The following DNER variants were observed in gnomAD, a reference collection of about 807,000 sequenced individuals.
The protein encoded by DNER is delta and Notch-like epidermal growth factor-related receptor.
In DNER, 33 loss-of-function variants were observed where a neutral mutation model predicts 78.2. That is an observed-to-expected ratio of 0.42 (90% CI 0.32 to 0.56). DNER has a LOEUF of 0.56. DNER is among the 20% of genes least tolerant of loss of function. The pLI is 0.11. For missense variants in DNER, 918 were observed against 975.3 expected (o/e 0.94, Z 0.78); for synonymous variants, 417 against 384.8 (o/e 1.08, Z -0.98).
intron 1 of DNER, among the ~76,000 whole-genome samples, chr2:229,616,603 G>A (rs1024841576): frequency 3.9e-5 from 6 of 152,144 alleles, no homozygotes; most frequent in South Asian, 4.1e-4. Context: ...AACACTAACT[G>A]GGGAATCAAG....
At chr2:229,700,284 A>ATGTGTGTGTGCATGTGTGTGTG (rs746705367) in intron 1 of DNER, among the ~76,000 whole-genome samples, 3 of 36,536 alleles carry the variant, frequency 8.2e-5, no homozygotes, top group African/African-American at 1.9e-4. Flanking sequence ...ATGTCAATAT[A>ATGTGTGTGTGCATGTGTGTGTG]TGTGTGTGTG....
At chr2:229,667,034 G>A (rs1365554037) in intron 1 of DNER, among the ~76,000 whole-genome samples, 3 of 152,232 alleles carry the variant, frequency 2.0e-5, no homozygotes, top group Non-Finnish European at 2.9e-5. Context: ...ACCTGGCATC[G>A]CTGGGGAGAA....
At position 229,615,945 on chromosome 2, in the gene DNER, G is replaced by A. The variant is rs71415721; in HGVS notation, c.277-24057C>T. Among the ~76,000 whole-genome samples, 404 of 152,272 alleles carry A rather than the reference G, an allele frequency of 2.7e-3. 2 individuals carry two copies. Among genetic ancestry groups the A allele is most frequent in the East Asian group, 5.0e-3 (26 of 5,182 alleles). On this transcript the variant is annotated intron_variant, in intron 1 of 12. Transcript: ENST00000341772. ...TAGGAATCTGAATGATAAGGCCAGC[G>A]TGGCATGGAATGCTTTATCAAAGTT...
At chr2:229,636,063 C>T (rs1300836079) in intron 1 of DNER, among the ~76,000 whole-genome samples, 1 of 152,056 alleles carries the variant, frequency 6.6e-6, no homozygotes, top group African/African-American at 2.4e-5. Context: ...GGATTTGAAC[C>T]CAGGCCATCT....
At chr2:229,646,314 T>C (rs375832278) in intron 1 of DNER, among the ~76,000 whole-genome samples, 2 of 152,190 alleles carry the variant, frequency 1.3e-5, no homozygotes, top group African/African-American at 2.4e-5. Context: ...TAATAAATAA[T>C]AAAATCGCCA....
intron 4 of DNER, among the ~76,000 whole-genome samples, chr2:229,573,063 T>A (rs1308201835): frequency 6.6e-6 from 1 of 152,206 alleles, no homozygotes; most frequent in African/African-American, 2.4e-5. Flanking sequence ...AATGAGCAGA[T>A]GACGTGATCC....
intron 1 of DNER, among the ~76,000 whole-genome samples, chr2:229,672,270 T>C (rs1412367512): frequency 6.6e-6 from 1 of 152,084 alleles, no homozygotes; most frequent in Non-Finnish European, 1.5e-5. Context: ...CCAACAGCTA[T>C]GGCCAAGACA....
At chr2:229,592,562 A>C (rs1697627465) in intron 1 of DNER, among the ~76,000 whole-genome samples, 1 of 152,174 alleles carries the variant, frequency 6.6e-6, no homozygotes, top group Non-Finnish European at 1.5e-5. Flanking sequence ...TTCCCTCGCC[A>C]GATATGGAAG....
intron 10 of DNER, among the ~76,000 whole-genome samples, chr2:229,390,316 A>G (rs919263159): frequency 1.3e-5 from 2 of 152,248 alleles, no homozygotes; most frequent in African/African-American, 2.4e-5. Flanking sequence ...CTGCTTCACG[A>G]AGTCCAATGT....
chr2:229,451,437 A>T (rs144957270), intron 7 of DNER, among the ~76,000 whole-genome samples: 2,192 of 152,346 alleles, frequency 0.014, 19 homozygotes, highest in Non-Finnish European at 0.02. Context: ...AGGCTGGGTG[A>T]CAGAGCAAGA....
intron 7 of DNER, among the ~76,000 whole-genome samples, chr2:229,466,440 T>C (rs76068631): frequency 0.043 from 6,611 of 152,230 alleles, 379 homozygotes; most frequent in East Asian, 0.27. Flanking sequence ...TGTTTGAACA[T>C]CACTTCCCTT....
intron 6 of DNER, among the ~76,000 whole-genome samples, chr2:229,496,535 T>C (rs1695506331): frequency 6.6e-6 from 1 of 152,166 alleles, no homozygotes; most frequent in South Asian, 2.1e-4. Context: ...TTTTAAGTCC[T>C]AATTATATGA....
chr2:229,452,124 T>C (rs1297187762), intron 7 of DNER, among the ~76,000 whole-genome samples: 1 of 152,216 alleles, frequency 6.6e-6, no homozygotes, highest in Non-Finnish European at 1.5e-5. Flanking sequence ...CTGGATATCA[T>C]CTATTTTCAT....
chr2:229,675,651 C>A (rs904868974), intron 1 of DNER, among the ~76,000 whole-genome samples: 3 of 152,310 alleles, frequency 2.0e-5, no homozygotes, highest in Middle Eastern at 6.8e-3. Flanking sequence ...AGGCCTGCCC[C>A]AGCCACTTGG....
At chr2:229,691,927 C>G (rs1643155963) in intron 1 of DNER, among the ~76,000 whole-genome samples, 1 of 152,114 alleles carries the variant, frequency 6.6e-6, no homozygotes, top group African/African-American at 2.4e-5. Context: ...AAAATAGGTG[C>G]TCTCTGTTTC....
chr2:229,468,635 A>G (rs547016756), intron 7 of DNER, among the ~76,000 whole-genome samples: 3 of 152,258 alleles, frequency 2.0e-5, no homozygotes, highest in Admixed American at 1.3e-4. Context: ...TGATCCCCGA[A>G]ATATCAGAGA....
At chr2:229,622,315 A>G (rs1457616921) in intron 1 of DNER, among the ~76,000 whole-genome samples, 1 of 152,136 alleles carries the variant, frequency 6.6e-6, no homozygotes, top group Admixed American at 6.5e-5. Flanking sequence ...ACCCTTCCCC[A>G]TATGACTTAG....
intron 4 of DNER, among the ~76,000 whole-genome samples, chr2:229,571,192 A>T (rs1574908866): frequency 1.3e-5 from 2 of 152,074 alleles, no homozygotes; most frequent in East Asian, 1.9e-4. Context: ...TGTCCTTCTG[A>T]TAAATAGATG....
chr2:229,702,741 C>A (rs1435852938), intron 1 of DNER, among the ~76,000 whole-genome samples: 1 of 151,238 alleles, frequency 6.6e-6, no homozygotes, highest in East Asian at 2.0e-4. Flanking sequence ...CACGGTGAAA[C>A]CCCATCTCTA....
Sources: allele counts gnomAD v4.1 joint callset (sites outside exome capture counted in the v4.1 genomes callset), GRCh38; gene constraint gnomAD v4.1.1; transcripts MANE v1.5; gene names NCBI Gene and HGNC (gene_info 2026-07-23, HGNC 2026-07-21).